The following TRAF3 variants were observed in gnomAD, a reference collection of about 807,000 sequenced individuals.
The protein encoded by TRAF3 is TNF receptor-associated factor 3.
A neutral mutation model predicts 62.3 loss-of-function variants in TRAF3; 13 were observed. The observed-to-expected ratio is 0.21, with a 90% confidence interval of 0.14 to 0.33. The LOEUF (loss-of-function observed/expected upper bound fraction) is 0.33, where lower values mean the gene tolerates loss of function less well. TRAF3 is among the 10% of genes least tolerant of loss of function. The pLI, the probability that TRAF3 is intolerant of heterozygous loss-of-function variation, is 1.00. For missense variants in TRAF3, 440 were observed against 741.8 expected, an observed-to-expected ratio of 0.59 and a Z score of 4.73; for synonymous variants, 269 against 283.4, an observed-to-expected ratio of 0.95 and a Z score of 0.51.
At chr14:102,845,762 C>T (rs1201226559) in intron 2 of TRAF3, among the ~76,000 whole-genome samples, 2 of 151,682 alleles carry the variant, frequency 1.3e-5, no homozygotes, top group Admixed American at 1.3e-4. Flanking sequence ...GTGATCTGCC[C>T]GCCTCGGCCT....
chr14:102,905,136 T>G, intron 11 of TRAF3, 77 bp from the exon 12 acceptor site: 2 of 1,394,164 alleles, frequency 1.4e-6, no homozygotes, highest in Non-Finnish European at 2.0e-6. Flanking sequence ...AAATAACGAG[T>G]GCTGGTGCAG....
At chr14:102,889,972 A>G (rs536418985) in intron 8 of TRAF3, among the ~76,000 whole-genome samples, 16 of 152,392 alleles carry the variant, frequency 1.0e-4, no homozygotes, top group Non-Finnish European at 1.6e-4. Flanking sequence ...AGTTACCTGA[A>G]TATAAGCGAA....
intron 6 of TRAF3, among the ~76,000 whole-genome samples, chr14:102,880,551 G>A (rs1395941574): frequency 6.6e-6 from 1 of 152,210 alleles, no homozygotes; most frequent in Non-Finnish European, 1.5e-5. Context: ...ACAGTGTGAC[G>A]ATTCCTCAAA....
chr14:102,803,846 A>G (rs1898599034), intron 1 of TRAF3, among the ~76,000 whole-genome samples: 1 of 152,228 alleles, frequency 6.6e-6, no homozygotes, highest in Non-Finnish European at 1.5e-5. Context: ...TGCATGTACC[A>G]TAAAAACATG....
At chr14:102,788,796 T>TCAAAACAAAA (rs149315871) in intron 1 of TRAF3, among the ~76,000 whole-genome samples, 1 of 150,876 alleles carries the variant, frequency 6.6e-6, no homozygotes. Context: ...AGACTCCATC[T>TCAAAACAAAA]CAAAACAAAA....
intron 2 of TRAF3, among the ~76,000 whole-genome samples, chr14:102,855,265 T>G (rs549840080): frequency 5.6e-4 from 85 of 152,314 alleles, no homozygotes; most frequent in Non-Finnish European, 8.8e-4. Context: ...CCTTTTTGGT[T>G]GTTGTGAAGA....
chr14:102,778,448 C>T lies in TRAF3; in HGVS notation c.-157+773C>T, dbSNP rs145770348. On this transcript the variant is annotated intron_variant, in intron 1 of 11. Transcript: ENST00000392745. ...GTTGGAAACAGTAACAAACTGGAAACGGATGAGGTGTTATGGACGTGCTTG... is the reference window on the plus strand; with the variant it reads ...GTTGGAAACAGTAACAAACTGGAAATGGATGAGGTGTTATGGACGTGCTTG... Among the ~76,000 whole-genome samples, 551 of 152,290 alleles carry T rather than the reference C, an allele frequency of 3.6e-3. 3 individuals carry two copies. Among genetic ancestry groups the T allele is most frequent in the Non-Finnish European group, 5.3e-3 (359 of 68,016 alleles).
chr14:102,790,704 A>C (rs367762195), intron 1 of TRAF3, among the ~76,000 whole-genome samples: 1 of 152,160 alleles, frequency 6.6e-6, no homozygotes. Context: ...TATGAGCTAC[A>C]ATTCAATATG....
chr14:102,810,903 A>T (rs1413444247), intron 1 of TRAF3, among the ~76,000 whole-genome samples: 1 of 152,242 alleles, frequency 6.6e-6, no homozygotes, highest in Non-Finnish European at 1.5e-5. Context: ...ATTCCCAGAA[A>T]TAAGACATCT....
At position 102,909,610 on chromosome 14, in the gene TRAF3, G is replaced by A; in HGVS notation, c.*3826G>A. 6.6e-6 allele frequency: 1 copy of A among 152,526 alleles called. No homozygotes were observed. Among genetic ancestry groups the A allele is most frequent in the Non-Finnish European group, 1.5e-5 (1 of 68,190 alleles). The allele number at this position is 152,526 out of a possible 1,614,324, so 9.4% of individuals were successfully genotyped here. ...CTCCTTGGGCCACTTCCTCAGCCCG[G>A]GCCCCACAGGCCCACCACCTGCCAG... On this transcript the variant is annotated 3_prime_UTR_variant, in exon 12 of 12. Coordinates refer to ENST00000392745, the MANE Select transcript of TRAF3 (RefSeq NM_145725.3).
chr14:102,829,973 A>T (rs796730720), intron 1 of TRAF3, among the ~76,000 whole-genome samples: 15 of 152,220 alleles, frequency 9.9e-5, no homozygotes, highest in African/African-American at 3.6e-4. Context: ...CTACAGAAAG[A>T]TAAAATAAAA....
At chr14:102,860,172 C>T (rs1457167050) in intron 2 of TRAF3, among the ~76,000 whole-genome samples, 3 of 152,180 alleles carry the variant, frequency 2.0e-5, no homozygotes, top group Non-Finnish European at 4.4e-5. Context: ...ATCCAAGTAT[C>T]CCCCACAGTG....
chr14:102,882,567 G>GTTT (rs386382371), intron 6 of TRAF3, among the ~76,000 whole-genome samples: 3 of 137,190 alleles, frequency 2.2e-5, no homozygotes, highest in Admixed American at 7.2e-5. Context: ...CATGTATTTT[G>GTTT]TTTTTTTTTT....
intron 2 of TRAF3, among the ~76,000 whole-genome samples, chr14:102,845,518 A>AT (rs552851916): frequency 0.42 from 57,171 of 135,794 alleles, 15,797 homozygotes; most frequent in African/African-American, 0.8. Flanking sequence ...TAAAAAAAAA[A>AT]TTTTTTTTTT....
intron 1 of TRAF3, among the ~76,000 whole-genome samples, chr14:102,807,060 CTT>C (rs1175523761): frequency 6.6e-6 from 1 of 152,190 alleles, no homozygotes; most frequent in Non-Finnish European, 1.5e-5. Flanking sequence ...CCAGGCAAGC[CTT>C]CTGCTGATGC....
chr14:102,782,617 C>T (rs12893481), intron 1 of TRAF3, among the ~76,000 whole-genome samples: 42,067 of 151,742 alleles, frequency 0.28, 6,379 homozygotes, highest in Non-Finnish European at 0.35. Context: ...CCTTAATTCT[C>T]AAGAACTGAA....
At chr14:102,823,695 G>A (rs1323045289) in intron 1 of TRAF3, among the ~76,000 whole-genome samples, 1 of 152,148 alleles carries the variant, frequency 6.6e-6, no homozygotes, top group Non-Finnish European at 1.5e-5. Context: ...TCTATTGGAT[G>A]TTTGGCCTTT....
chr14:102,822,873 G>A (rs1223469372), intron 1 of TRAF3, among the ~76,000 whole-genome samples: 1 of 152,140 alleles, frequency 6.6e-6, no homozygotes, highest in East Asian at 1.9e-4. Context: ...GGGCATGGTG[G>A]CACATGCCTG....
intron 2 of TRAF3, among the ~76,000 whole-genome samples, chr14:102,864,992 G>C (rs890071599): frequency 6.6e-6 from 1 of 152,176 alleles, no homozygotes; most frequent in Non-Finnish European, 1.5e-5. Context: ...CCTTTGCTCA[G>C]GACAGGACAG....
Sources: gnomAD v4.1 joint callset for allele counts (sites outside exome capture counted in the v4.1 genomes callset) on GRCh38, gnomAD v4.1.1 for gene constraint, MANE v1.5 for transcripts, NCBI Gene and HGNC (gene_info 2026-07-23, HGNC 2026-07-21) for gene names.